The following FOXN2 variants were observed in gnomAD, a reference collection of about 807,000 sequenced individuals.
FOXN2 encodes forkhead box N2.
FOXN2 carries 19 observed loss-of-function variants against 41.2 expected under a neutral mutation model. The ratio of observed to expected loss-of-function variants is 0.46; its 90% CI spans 0.32 to 0.68. The LOEUF (loss-of-function observed/expected upper bound fraction) is 0.68, where lower values mean the gene tolerates loss of function less well. FOXN2 is among the 30% of genes least tolerant of loss of function. The pLI is 0.03. For missense variants in FOXN2, 587 were observed against 509.4 expected, an observed-to-expected ratio of 1.15 and a Z score of -1.47; for synonymous variants, 195 against 176.8, an observed-to-expected ratio of 1.10 and a Z score of -0.82.
At chr2:48,362,756 T>A in intron 5 of FOXN2, 49 bp downstream of exon 5, 1 of 1,474,732 alleles carries the variant, frequency 6.8e-7, no homozygotes, top group Middle Eastern at 1.7e-4. Context: ...AATCTTTTGG[T>A]CAACAACAGG....
In FOXN2 at chr2:48,375,711, C is replaced by T. The variant is rs991501087; in HGVS notation, c.*268C>T. On this transcript the variant is annotated 3_prime_UTR_variant, in exon 7 of 7. Coordinates refer to ENST00000340553, the MANE Select transcript of FOXN2 (RefSeq NM_002158.4). The stretch of plus-strand genomic sequence containing the variant: ...TGAAAATTTTTATATAAGAAAATCC[C>T]CAGCCTCTGTCTTAAACTTGTGGGA... 7 of 294,128 alleles carry T rather than the reference C, an allele frequency of 2.4e-5. No individual in the cohort carries two copies. The highest frequency in any genetic ancestry group is 4.4e-5 in the Non-Finnish European group (7 of 157,616). 18.2% of individuals were successfully genotyped at this position (294,128 alleles called of 1,614,324 possible). A position where few individuals can be genotyped will look rare whatever the true frequency, so the allele number is the denominator to read the frequency against.
intron 2 of FOXN2, among the ~76,000 whole-genome samples, chr2:48,340,536 T>C (rs1363129577): frequency 6.6e-6 from 1 of 152,204 alleles, no homozygotes; most frequent in African/African-American, 2.4e-5. Flanking sequence ...AAATAGTACA[T>C]TTAAATCCGA....
In FOXN2 at chr2:48,321,130, AG is replaced by A. The variant is rs1258884496; in HGVS notation, c.-157+6317del. ...TTCACTACATGTTATGGTCTGTAGT[AG>A]AGCATAAAAATGAATGTATTGAGTT... On this transcript the variant is annotated intron_variant, in intron 1 of 6. Transcript: ENST00000340553. 3.3e-5 allele frequency among the ~76,000 whole-genome samples: 5 copies of A among 152,304 alleles called. No homozygotes were observed. In the East Asian group the frequency reaches 9.6e-4, roughly 29 times the overall value.
intron 1 of FOXN2, among the ~76,000 whole-genome samples, chr2:48,317,573 A>G (rs956392121): frequency 1.5e-4 from 21 of 144,214 alleles, no homozygotes; most frequent in Admixed American, 2.8e-4. Flanking sequence ...GATGTGTACA[A>G]TGCCTATAGC....
At chr2:48,371,040 ATT>A (rs1672860030) in intron 5 of FOXN2, among the ~76,000 whole-genome samples, 1 of 151,918 alleles carries the variant, frequency 6.6e-6, no homozygotes, top group South Asian at 2.1e-4. Flanking sequence ...CTTTTGTATC[ATT>A]TATTGAAGAA....
intron 6 of FOXN2, among the ~76,000 whole-genome samples, chr2:48,373,914 A>G (rs1673066993): frequency 6.6e-6 from 1 of 151,766 alleles, no homozygotes; most frequent in South Asian, 2.1e-4. Context: ...AATTAGCCAG[A>G]TGTGGTGGTG....
At position 48,335,666 on chromosome 2, in the gene FOXN2, C is replaced by T. The variant is rs189785273; in HGVS notation, c.-15+6964C>T. Among the ~76,000 whole-genome samples, 74 of 150,802 alleles carry T rather than the reference C, an allele frequency of 4.9e-4. 1 individual carries two copies. The highest frequency in any genetic ancestry group is 1.7e-3 in the African/African-American group (68 of 41,134). On this transcript the variant is annotated intron_variant, in intron 2 of 6. Transcript: ENST00000340553. Reference sequence around the variant, plus strand: ...AGATTTAAGAAGAAATGATCAAAGACGGTGACAATTATATAGGTGAATAAA... The same window carrying T: ...AGATTTAAGAAGAAATGATCAAAGATGGTGACAATTATATAGGTGAATAAA...
intron 3 of FOXN2, among the ~76,000 whole-genome samples, chr2:48,353,858 A>G (rs1671623469): frequency 6.6e-6 from 1 of 151,160 alleles, no homozygotes; most frequent in Admixed American, 6.6e-5. Flanking sequence ...TTTTTTTTAA[A>G]CACTGTACAT....
intron 3 of FOXN2, among the ~76,000 whole-genome samples, chr2:48,351,259 G>T (rs949732556): frequency 1.3e-5 from 2 of 150,762 alleles, no homozygotes; most frequent in Non-Finnish European, 3.0e-5. Flanking sequence ...ACTGCACTCG[G>T]CCAAAGTTGA....
intron 3 of FOXN2, among the ~76,000 whole-genome samples, chr2:48,357,974 T>C (rs749362566): frequency 3.7e-4 from 56 of 152,168 alleles, no homozygotes; most frequent in Non-Finnish European, 6.5e-4. Context: ...GTGCATTTCT[T>C]TCTTTATGAT....
At position 48,327,970 on chromosome 2, in the gene FOXN2, A is replaced by G. The variant is rs377081098; in HGVS notation, c.-156-591A>G. Reference sequence around the variant, plus strand: ...GCTTTCCAAATTTGACATTGGGGCTATTAGTAAGGTATCATTGTCTGCATT... The same window carrying G: ...GCTTTCCAAATTTGACATTGGGGCTGTTAGTAAGGTATCATTGTCTGCATT... On this transcript the variant is annotated intron_variant, in intron 1 of 6. Transcript: ENST00000340553. Among the ~76,000 whole-genome samples, 173 of 152,290 alleles carry G rather than the reference A, an allele frequency of 1.1e-3. 1 individual carries two copies. The highest frequency in any genetic ancestry group is 3.9e-3 in the African/African-American group (164 of 41,566).
chr2:48,355,199 C>T (rs772212799), intron 3 of FOXN2, among the ~76,000 whole-genome samples: 7 of 152,132 alleles, frequency 4.6e-5, no homozygotes, highest in Non-Finnish European at 1.0e-4. Context: ...GAGTTGGTCA[C>T]ATCTATAATT....
intron 5 of FOXN2, among the ~76,000 whole-genome samples, chr2:48,364,513 C>T (rs1672400939): frequency 6.6e-6 from 1 of 152,118 alleles, no homozygotes; most frequent in African/African-American, 2.4e-5. Context: ...TACTTTTTCT[C>T]CAGATACTAG....
At chr2:48,324,604 C>T (rs1462565716) in intron 1 of FOXN2, among the ~76,000 whole-genome samples, 1 of 152,032 alleles carries the variant, frequency 6.6e-6, no homozygotes, top group Non-Finnish European at 1.5e-5. Flanking sequence ...TCCCTTTGTA[C>T]TTCTATTCAA....
At position 48,375,648 on chromosome 2, in the gene FOXN2, C is replaced by A; in HGVS notation, c.*205C>A. On this transcript the variant is annotated 3_prime_UTR_variant, in exon 7 of 7. Coordinates refer to ENST00000340553, the MANE Select transcript of FOXN2 (RefSeq NM_002158.4). ...GATCAGAAATACATGATGTGAAGTCCTAAAAGCATAATTTTTGTGATAAAT... is the reference window on the plus strand; with the variant it reads ...GATCAGAAATACATGATGTGAAGTCATAAAAGCATAATTTTTGTGATAAAT... 2.2e-6 allele frequency: 1 copy of A among 459,636 alleles called. No individual in the cohort carries two copies. The highest frequency in any genetic ancestry group is 3.8e-6 in the Non-Finnish European group (1 of 261,838). The allele number at this position is 459,636 out of a possible 1,614,324, so 28.5% of individuals were successfully genotyped here.
intron 1 of FOXN2, among the ~76,000 whole-genome samples, chr2:48,316,876 T>C (rs1194812241): frequency 6.6e-6 from 1 of 152,196 alleles, no homozygotes; most frequent in Non-Finnish European, 1.5e-5. Flanking sequence ...AAGAACTGTA[T>C]AGAGAAGTTA....
chr2:48,374,702 A>C lies in FOXN2; in HGVS notation c.773-218A>C, dbSNP rs529015387. On this transcript the variant is annotated intron_variant, in intron 6 of 6. Transcript: ENST00000340553. ...CTTGTAAGCAATTCAAAATAGTTAC[A>C]TATGCTATAGAAAAGTCAAGACATT... 1.5e-3 allele frequency among the ~76,000 whole-genome samples: 228 copies of C among 152,328 alleles called. 1 individual carries two copies. Among genetic ancestry groups the C allele is most frequent in the African/African-American group, 5.4e-3 (223 of 41,588 alleles).
intron 3 of FOXN2, among the ~76,000 whole-genome samples, chr2:48,347,133 C>T (rs893102513): frequency 6.6e-6 from 1 of 151,392 alleles, no homozygotes; most frequent in Non-Finnish European, 1.5e-5. Flanking sequence ...AAATCTATCA[C>T]CTTGCTATTT....
At chr2:48,337,385 C>A (rs947033745) in intron 2 of FOXN2, among the ~76,000 whole-genome samples, 1 of 151,526 alleles carries the variant, frequency 6.6e-6, no homozygotes, top group Non-Finnish European at 1.5e-5. Flanking sequence ...GTAACCTCCA[C>A]TTCCCGGGTT....
Sources: allele counts gnomAD v4.1 joint callset (sites outside exome capture counted in the v4.1 genomes callset), GRCh38; gene constraint gnomAD v4.1.1; transcripts MANE v1.5; gene names NCBI Gene and HGNC (gene_info 2026-07-23, HGNC 2026-07-21).